CORO7: variants seen among roughly 807,000 people sequenced by gnomAD.
CORO7 encodes coronin-7.
A neutral mutation model predicts 126.6 loss-of-function variants in CORO7; 107 were observed. That is an observed-to-expected ratio of 0.85 (90% CI 0.72 to 0.99). The LOEUF is 0.99. CORO7 is among the 50% of genes least tolerant of loss of function. CORO7 has a pLI of 0.00. For missense variants in CORO7, 1,314 were observed against 1,255.8 expected, an observed-to-expected ratio of 1.05 and a Z score of -0.70; for synonymous variants, 603 against 536.8, an observed-to-expected ratio of 1.12 and a Z score of -1.70.
chr16:4,366,917 G>A (rs939290767), intron 9 of CORO7, among the ~76,000 whole-genome samples: 5 of 152,106 alleles, frequency 3.3e-5, no homozygotes, highest in Admixed American at 1.3e-4. Flanking sequence ...ACAGGACCCC[G>A]TCCCCACTGT....
intron 9 of CORO7, among the ~76,000 whole-genome samples, chr16:4,372,529 G>A (rs1165724932): frequency 1.3e-5 from 2 of 152,176 alleles, no homozygotes; most frequent in East Asian, 3.9e-4. Context: ...CCCTCCAGGT[G>A]GGGGATGGAC....
chr16:4,358,520 C>A, intron 23 of CORO7, 37 bp from the exon 24 acceptor site: 1 of 1,546,940 alleles, frequency 6.5e-7, no homozygotes, highest in Non-Finnish European at 8.7e-7. Flanking sequence ...CCGCTGGGAC[C>A]TAGAGCTCAT....
intron 9 of CORO7, chr16:4,371,931 C>G (rs151288576): frequency 0.024 from 3,710 of 152,350 alleles, 139 homozygotes; most frequent in African/African-American, 0.082. Context: ...GGGCCCGACC[C>G]GCCAGGAAAG....
rs1471836636 is a variant in CORO7, at chr16:4,362,879, CG to C, written c.1276-142del. 4 of 986,722 alleles carry C rather than the reference CG, an allele frequency of 4.1e-6. No individual in the cohort carries two copies. Among genetic ancestry groups the C allele is most frequent in the East Asian group, 3.3e-5 (1 of 30,472 alleles). The allele number at this position is 986,722 out of a possible 1,614,324, so 61.1% of individuals were successfully genotyped here. A position where few individuals can be genotyped will look rare whatever the true frequency, so the allele number is the denominator to read the frequency against. On this transcript the variant is annotated intron_variant, in intron 14 of 27. Transcript: ENST00000251166. The surrounding 1 kb of genome is among the most constrained non-coding windows in gnomAD (Gnocchi z 5.3). ...CACTGTGGGCATGCGACAGGAGCGG[CG>C]GGGGGCACGGGCATAAACGCAGACA...
In CORO7 at chr16:4,358,369, G is replaced by A. The variant is rs373678474; in HGVS notation, c.2455C>T (p.Arg819Trp). The part of the protein sequence containing the change: ...EPVAFRLPRV[R>W]KEFFQDDVFP... ...GAGTCCCAGGTCCCCACCCTCACCCGGACTCGGGGCAGCCGGAAGGCCACA... is the reference window on the plus strand; with the variant it reads ...GAGTCCCAGGTCCCCACCCTCACCCAGACTCGGGGCAGCCGGAAGGCCACA... Residue 819 changes from arginine to tryptophan, a missense_variant and splice_region_variant, in exon 24 of 28, where the codon CGG (arginine) becomes TGG (tryptophan). Physicochemically the swap from Arg to Trp is moderately radical, Grantham distance 101 (BLOSUM62 -3). Coordinates refer to ENST00000251166, the MANE Select transcript of CORO7 (RefSeq NM_024535.5). The A allele has an allele frequency of 2.6e-5, 42 of 1,612,220 alleles. No individual in the cohort carries two copies. The highest frequency in any genetic ancestry group is 3.1e-5 in the Non-Finnish European group (36 of 1,179,636).
chr16:4,394,022 G>T (rs975074001), intron 7 of CORO7, among the ~76,000 whole-genome samples: 6 of 151,346 alleles, frequency 4.0e-5, no homozygotes, highest in Admixed American at 2.0e-4. Flanking sequence ...AATCACTTGA[G>T]CCTAGGAGGC....
Position 4,354,802 on chromosome 16 carries a change from A to G in CORO7, c.*356T>C, listed in dbSNP as rs2053920883. On this transcript the variant is annotated 3_prime_UTR_variant, in exon 28 of 28. Coordinates refer to ENST00000251166, the MANE Select transcript of CORO7 (RefSeq NM_024535.5). ...ATGGGGCAGCGTGGGGTGACCAAAG[A>G]TCCTGGATGAGGCCAATCCAGGCTG... 6.1e-6 allele frequency: 2 copies of G among 327,108 alleles called. No individual in the cohort carries two copies. Among genetic ancestry groups the G allele is most frequent in the Non-Finnish European group, 1.1e-5 (2 of 180,124 alleles). 20.3% of individuals were successfully genotyped at this position (327,108 alleles called of 1,614,324 possible). A position where few individuals can be genotyped will look rare whatever the true frequency, so the allele number is the denominator to read the frequency against.
chr16:4,388,386 C>A (rs2055268766), intron 8 of CORO7, among the ~76,000 whole-genome samples, 159 bp downstream of exon 8: 1 of 152,198 alleles, frequency 6.6e-6, no homozygotes, highest in African/African-American at 2.4e-5. Context: ...AGCCGTCAGT[C>A]CCCTGAGGCT....
intron 7 of CORO7, among the ~76,000 whole-genome samples, chr16:4,391,728 T>G (rs2055398288): frequency 6.6e-6 from 1 of 152,210 alleles, no homozygotes; most frequent in South Asian, 2.1e-4. Context: ...GAGACCCGTT[T>G]GCCAGCCTCA....
chr16:4,409,992 G>A (rs2056142826), intron 3 of CORO7, among the ~76,000 whole-genome samples: 1 of 152,208 alleles, frequency 6.6e-6, no homozygotes, highest in African/African-American at 2.4e-5. Flanking sequence ...CTGAACAGTT[G>A]CAGCCACAGT....
intron 6 of CORO7, among the ~76,000 whole-genome samples, 159 bp from the exon 7 acceptor site, chr16:4,395,498 C>T (rs949901890): frequency 5.3e-5 from 8 of 152,318 alleles, no homozygotes; most frequent in Admixed American, 5.2e-4. Flanking sequence ...CAGCCCTGTT[C>T]CTCCTCCTCA....
intron 6 of CORO7, among the ~76,000 whole-genome samples, chr16:4,397,095 T>G (rs2055623680): frequency 6.6e-6 from 1 of 151,164 alleles, no homozygotes; most frequent in Admixed American, 6.6e-5. Context: ...GAAATACTCA[T>G]GCTCCTCAAC....
At position 4,388,604 on chromosome 16, in the gene CORO7, C is replaced by T; in HGVS notation, c.643G>A (p.Asp215Asn). ...QSTQAHENSR[D>N]SRLAWMGTWE... is the part of the protein sequence containing the mutation. ...GTGCCCATCCATGCCAGCCGGCTAT[C>T]CCTGCTGTTCTCATGGGCCTGCGTG... Residue 215 changes from aspartate to asparagine, a missense_variant, in exon 8 of 28, where the codon GAT becomes AAT. By Grantham distance (23) the Asp-to-Asn change is conservative (BLOSUM62 1). Transcript: ENST00000251166. The T allele has an allele frequency of 6.2e-7, 1 of 1,612,920 alleles. No homozygotes were observed. Among genetic ancestry groups the T allele is most frequent in the Non-Finnish European group, 8.5e-7 (1 of 1,179,736 alleles).
chr16:4,362,544 A>C lies in CORO7; in HGVS notation c.1402+68T>G, dbSNP rs1482505587. On this transcript the variant is annotated intron_variant, in intron 15 of 27. Coordinates refer to ENST00000251166, the MANE Select transcript of CORO7 (RefSeq NM_024535.5). The surrounding 1 kb of genome is among the most constrained non-coding windows in gnomAD (Gnocchi z 5.3). ...TGTGCTCAGCAGTAGGGTACACAGG[A>C]GGATGACGGGGAGTGGGGCAGACAG... 6.7e-7 allele frequency: 1 copy of C among 1,482,486 alleles called. No homozygotes were observed. Among genetic ancestry groups the C allele is most frequent in the African/African-American group, 1.4e-5 (1 of 69,518 alleles). 91.8% of individuals were successfully genotyped at this position (1,482,486 alleles called of 1,614,324 possible).
rs200606831 is a variant in CORO7, at chr16:4,382,372, C to T, written c.785+5614G>A. Reference sequence around the variant, plus strand: ...GCTCAGGAGCCTCCGTCTCACCTATCGCAACCTATCGGGCCCTGATAAGCG... The same window carrying T: ...GCTCAGGAGCCTCCGTCTCACCTATTGCAACCTATCGGGCCCTGATAAGCG... On this transcript the variant is annotated intron_variant, in intron 9 of 27. Transcript: ENST00000251166. 6.0e-5 allele frequency: 96 copies of T among 1,612,222 alleles called. No individual in the cohort carries two copies. The highest frequency in any genetic ancestry group is 7.8e-5 in the Non-Finnish European group (92 of 1,179,758).
intron 7 of CORO7, 28 bp from the exon 8 acceptor site, chr16:4,388,659 C>A: frequency 6.3e-7 from 1 of 1,598,456 alleles, no homozygotes; most frequent in Non-Finnish European, 8.5e-7. Flanking sequence ...TGGACCTGAG[C>A]CCCCAGGGCC....
intron 26 of CORO7, 96 bp from the exon 27 acceptor site, chr16:4,355,468 C>CTTTT: frequency 2.8e-6 from 3 of 1,075,786 alleles, no homozygotes; most frequent in Non-Finnish European, 3.9e-6. Context: ...GTGAAAAGAA[C>CTTTT]TTTTTTTTTT....
intron 1 of CORO7, chr16:4,415,730 C>G: frequency 1.0e-6 from 1 of 985,538 alleles, no homozygotes; most frequent in Non-Finnish European, 1.2e-6. Context: ...ACACGGAAAG[C>G]GGAAGAGCAG....
chr16:4,404,587 A>C (rs1255186971), intron 6 of CORO7, among the ~76,000 whole-genome samples: 1 of 152,126 alleles, frequency 6.6e-6, no homozygotes. Context: ...GGCTGCAGCC[A>C]CCCTGGAGCG....
Sources: gnomAD v4.1 joint callset for allele counts (sites outside exome capture counted in the v4.1 genomes callset) on GRCh38, gnomAD v4.1.1 for gene constraint, Gnocchi (gnomAD v3.1) non-coding constraint, MANE v1.5 for transcripts, NCBI Gene and HGNC (gene_info 2026-07-23, HGNC 2026-07-21) for gene names.